The following GPC6 variants were observed in gnomAD, a reference collection of about 807,000 sequenced individuals.
The protein encoded by GPC6 is glypican-6.
In GPC6, 14 loss-of-function variants were observed where a neutral mutation model predicts 55.2. The ratio of observed to expected loss-of-function variants is 0.25; its 90% CI spans 0.17 to 0.40. The LOEUF (loss-of-function observed/expected upper bound fraction) is 0.40. Among genes scored for constraint, GPC6 ranks in the 10% least tolerant of loss-of-function variants. GPC6 has a pLI of 1.00. For missense variants in GPC6, 641 were observed against 708.5 expected, an observed-to-expected ratio of 0.90 and a Z score of 1.08; for synonymous variants, 278 against 259.6, an observed-to-expected ratio of 1.07 and a Z score of -0.68.
At chr13:93,836,574 A>G (rs1324194542) in intron 3 of GPC6, among the ~76,000 whole-genome samples, 1 of 152,192 alleles carries the variant, frequency 6.6e-6, no homozygotes, top group Admixed American at 6.5e-5. Flanking sequence ...GATTACTTCA[A>G]TAATATACAG....
chr13:93,830,469 C>A lies in GPC6; in HGVS notation c.635C>A (p.Thr212Asn). The A allele has an allele frequency of 6.2e-7, 1 of 1,613,822 alleles. No individual in the cohort carries two copies. Among genetic ancestry groups the A allele is most frequent in the East Asian group, 2.2e-5 (1 of 44,840 alleles). ...CCCCGGAAACTGAAGATTCAGGTTA[C>A]CCGCGCCTTCATTGCTGCCAGGACC... is the stretch of plus-strand genomic sequence containing the variant. ...DVPRKLKIQV[T>N]RAFIAARTFV... is the part of the protein sequence containing the mutation. The change falls in exon 3 of 9, where the codon ACC becomes AAC. Residue 212 changes from threonine (T) to asparagine (N), a missense_variant. Coordinates refer to ENST00000377047, the MANE Select transcript of GPC6 (RefSeq NM_005708.5).
intron 5 of GPC6, among the ~76,000 whole-genome samples, chr13:94,305,012 T>A (rs537889514): frequency 1.3e-5 from 2 of 152,338 alleles, no homozygotes; most frequent in African/African-American, 4.8e-5. Context: ...ATGAAATAAT[T>A]TGTCATGATA....
rs1023140117 is a variant in GPC6, at chr13:93,471,430, T to C, written c.161-73833T>C. Among the ~76,000 whole-genome samples, 5 of 151,246 alleles carry C rather than the reference T, an allele frequency of 3.3e-5. No homozygotes were observed. The East Asian group carries it at 9.7e-4, about 29-fold the overall frequency. On this transcript the variant is annotated intron_variant, in intron 1 of 8. Transcript: ENST00000377047. ...CTGTAGTCCCAGCTACTTGAGAGGC[T>C]GAGGCAGGAGAATGGCATGAACCTG...
intron 4 of GPC6, among the ~76,000 whole-genome samples, chr13:94,121,593 G>T (rs77281178): frequency 0.023 from 3,508 of 152,146 alleles, 144 homozygotes; most frequent in African/African-American, 0.08. Context: ...AGGATACACG[G>T]CAATACTTAA....
At chr13:93,714,178 A>G (rs2138812882) in intron 2 of GPC6, among the ~76,000 whole-genome samples, 1 of 152,154 alleles carries the variant, frequency 6.6e-6, no homozygotes, top group East Asian at 1.9e-4. Flanking sequence ...AAATATTCAC[A>G]AACTATTCAT....
chr13:93,732,921 G>A (rs569361187), intron 2 of GPC6, among the ~76,000 whole-genome samples: 6 of 151,654 alleles, frequency 4.0e-5, no homozygotes, highest in East Asian at 1.9e-4. Flanking sequence ...AATATTTTAC[G>A]TTGTTTTTTT....
At chr13:94,355,096 T>A (rs1269115718) in intron 6 of GPC6, among the ~76,000 whole-genome samples, 1 of 151,570 alleles carries the variant, frequency 6.6e-6, no homozygotes, top group African/African-American at 2.4e-5. Flanking sequence ...TGTTCTCAAC[T>A]CACTCCAACC....
chr13:93,547,050 G>T (rs536415206), intron 2 of GPC6, among the ~76,000 whole-genome samples: 8 of 152,174 alleles, frequency 5.3e-5, no homozygotes, highest in African/African-American at 1.9e-4. Context: ...GACTGAGCCG[G>T]CCAGGCATGG....
intron 1 of GPC6, among the ~76,000 whole-genome samples, chr13:93,357,816 C>T (rs889657751): frequency 6.6e-6 from 1 of 152,196 alleles, no homozygotes; most frequent in East Asian, 1.9e-4. Context: ...GCCTGGGCAA[C>T]AGCCTGCCTC....
intron 2 of GPC6, among the ~76,000 whole-genome samples, chr13:93,577,580 A>C: frequency 6.6e-6 from 1 of 152,062 alleles, no homozygotes; most frequent in East Asian, 1.9e-4. Context: ...TACTGAATTT[A>C]TCAATTCTGA....
chr13:93,831,888 A>T (rs2138983203), intron 3 of GPC6, among the ~76,000 whole-genome samples: 1 of 150,424 alleles, frequency 6.6e-6, no homozygotes, highest in East Asian at 2.0e-4. Flanking sequence ...CAGGAGATCG[A>T]GACCATCCTG....
intron 1 of GPC6, among the ~76,000 whole-genome samples, chr13:93,357,618 T>G (rs1247264774): frequency 6.6e-6 from 1 of 151,796 alleles, no homozygotes; most frequent in African/African-American, 2.4e-5. Flanking sequence ...GTGGGCAGAT[T>G]GCTTTAGCTC....
At chr13:93,929,621 A>G (rs996469355) in intron 3 of GPC6, among the ~76,000 whole-genome samples, 2 of 152,158 alleles carry the variant, frequency 1.3e-5, no homozygotes, top group Non-Finnish European at 2.9e-5. Flanking sequence ...AGAAATTACA[A>G]TGGGAATTAG....
intron 2 of GPC6, among the ~76,000 whole-genome samples, chr13:93,618,655 A>C (rs142625853): frequency 2.6e-4 from 40 of 152,286 alleles, no homozygotes; most frequent in African/African-American, 8.7e-4. Context: ...TTAATCTTAA[A>C]ATAACTTGAC....
chr13:93,677,993 A>T (rs559585192), intron 2 of GPC6, among the ~76,000 whole-genome samples: 1 of 152,312 alleles, frequency 6.6e-6, no homozygotes, highest in African/African-American at 2.4e-5. Flanking sequence ...AAAGGTATAA[A>T]GAGAAACATC....
At chr13:94,144,524 T>A (rs1887492987) in intron 4 of GPC6, among the ~76,000 whole-genome samples, 1 of 135,632 alleles carries the variant, frequency 7.4e-6, no homozygotes, top group African/African-American at 2.9e-5. Context: ...TAGGAAAAGA[T>A]CATTCTTTGG....
At chr13:93,610,703 T>C (rs1878425113) in intron 2 of GPC6, among the ~76,000 whole-genome samples, 1 of 152,214 alleles carries the variant, frequency 6.6e-6, no homozygotes, top group Admixed American at 6.5e-5. Flanking sequence ...CATATGTACC[T>C]ACTTACATAA....
At chr13:93,237,782 G>A (rs1876288912) in intron 1 of GPC6, among the ~76,000 whole-genome samples, 2 of 141,504 alleles carry the variant, frequency 1.4e-5, no homozygotes, top group African/African-American at 2.7e-5. Context: ...TCTTGTGCAT[G>A]TGACTAGACA....
At chr13:93,301,966 C>T (rs1343073689) in intron 1 of GPC6, among the ~76,000 whole-genome samples, 1 of 152,114 alleles carries the variant, frequency 6.6e-6, no homozygotes, top group Non-Finnish European at 1.5e-5. Context: ...AATTTTAATA[C>T]CCCTACAAAG....
Sources: allele counts gnomAD v4.1 joint callset (sites outside exome capture counted in the v4.1 genomes callset), GRCh38; gene constraint gnomAD v4.1.1; transcripts MANE v1.5; gene names NCBI Gene and HGNC (gene_info 2026-07-23, HGNC 2026-07-21).